Variants in GTF3C1 observed in about 807,000 individuals in gnomAD.
The protein encoded by GTF3C1 is general transcription factor 3C polypeptide 1.
A neutral mutation model predicts 226.7 loss-of-function variants in GTF3C1; 57 were observed. The observed-to-expected ratio is 0.25, with a 90% confidence interval of 0.20 to 0.31. The LOEUF (loss-of-function observed/expected upper bound fraction) is 0.31. GTF3C1 is among the 10% of genes least tolerant of loss of function. GTF3C1 has a pLI of 1.00. For missense variants in GTF3C1, 2,217 were observed against 2,776.1 expected, an observed-to-expected ratio of 0.80 and a Z score of 4.53; for synonymous variants, 1,090 against 1,084.8, an observed-to-expected ratio of 1.00 and a Z score of -0.09.
At chr16:27,497,457 T>C (rs541026544) in intron 14 of GTF3C1, among the ~76,000 whole-genome samples, 180 bp downstream of exon 14, 55 of 152,296 alleles carry the variant, frequency 3.6e-4, no homozygotes, top group Non-Finnish European at 7.4e-4. Context: ...TTTTTGCAGA[T>C]AGACAAACAG....
intron 9 of GTF3C1, 147 bp from the exon 10 acceptor site, chr16:27,506,263 C>G: frequency 8.3e-6 from 5 of 599,964 alleles, no homozygotes; most frequent in Non-Finnish European, 1.5e-5. Flanking sequence ...GCAGCTTGGG[C>G]CCCTCCTTCT....
intron 12 of GTF3C1, among the ~76,000 whole-genome samples, chr16:27,499,004 G>A (rs2088364243): frequency 6.6e-6 from 1 of 152,170 alleles, no homozygotes; most frequent in Non-Finnish European, 1.5e-5. Flanking sequence ...ACACAGAGCT[G>A]TCTCCCTGCA....
At chr16:27,508,895 G>A (rs1197477844) in intron 7 of GTF3C1, among the ~76,000 whole-genome samples, 7 of 152,052 alleles carry the variant, frequency 4.6e-5, no homozygotes. Flanking sequence ...CTATCTCATG[G>A]CCCCACGTTA....
rs114908376 is a variant in GTF3C1 at position 27,532,387 on chromosome 16, A to G, written c.849+904T>C. Among the ~76,000 whole-genome samples the G allele has an allele frequency of 7.0e-3, 1,066 of 152,322 alleles. 17 individuals are homozygous for G. Among genetic ancestry groups the G allele is most frequent in the African/African-American group, 0.024 (1,012 of 41,570 alleles). ...CAGACAGAAGACCACTCATTAGGGG[A>G]CTAACTACTAGTCACCAAAGAGCTT... On this transcript the variant is annotated intron_variant, in intron 5 of 36. Coordinates refer to ENST00000356183, the MANE Select transcript of GTF3C1 (RefSeq NM_001520.4).
chr16:27,482,492 C>G, intron 26 of GTF3C1: 1 of 456,126 alleles, frequency 2.2e-6, no homozygotes, highest in Non-Finnish European at 4.4e-6. Flanking sequence ...CCATGTACTT[C>G]TCTGTCTGTC....
chr16:27,489,883 G>T, intron 19 of GTF3C1, 140 bp from the exon 20 acceptor site: 1 of 727,924 alleles, frequency 1.4e-6, no homozygotes, highest in Non-Finnish European at 2.3e-6. Flanking sequence ...GTCTGAGATT[G>T]GTAAGACCTC....
intron 28 of GTF3C1, among the ~76,000 whole-genome samples, chr16:27,478,171 AAAAGAAAAAAAAAAGG>A (rs752783619): frequency 6.7e-4 from 102 of 152,136 alleles, no homozygotes; most frequent in Non-Finnish European, 1.0e-3. Context: ...ACTCCATCTC[AAAAGAAAAAAAAAAGG>A]AAAGAAAAAA....
At chr16:27,467,857 T>C (rs2087807479) in intron 32 of GTF3C1, among the ~76,000 whole-genome samples, 1 of 151,662 alleles carries the variant, frequency 6.6e-6, no homozygotes, top group Admixed American at 6.6e-5. Flanking sequence ...GCGACAAGAG[T>C]GAAACTCTGT....
chr16:27,463,106 C>A lies in GTF3C1; in HGVS notation c.5924+435G>T. ...AGCACACACACTCATGGGAGGCGCC[C>A]CCACCAGAGGGGCTTCTGCGGCCCC... On this transcript the variant is annotated intron_variant, in intron 35 of 36. Transcript: ENST00000356183. This position sits in a 1 kb window ranked among gnomAD's most constrained non-coding sequence, Gnocchi z 4.9. The A allele has an allele frequency of 5.1e-6, 1 of 197,208 alleles. No individual in the cohort carries two copies. Among genetic ancestry groups the A allele is most frequent in the Non-Finnish European group, 1.0e-5 (1 of 98,168 alleles). 12.2% of individuals were successfully genotyped at this position (197,208 alleles called of 1,614,324 possible). A position where few individuals can be genotyped will look rare whatever the true frequency, so the allele number is the denominator to read the frequency against.
rs900687955 is a variant in GTF3C1, at chr16:27,469,779, C to A, written c.4815-229G>T. Among the ~76,000 whole-genome samples, 1 of 152,164 alleles carries A rather than the reference C, an allele frequency of 6.6e-6. No individual in the cohort carries two copies. The highest frequency in any genetic ancestry group is 2.4e-5 in the African/African-American group (1 of 41,422). On this transcript the variant is annotated intron_variant, in intron 31 of 36. Transcript: ENST00000356183. This position sits in a 1 kb window ranked among gnomAD's most constrained non-coding sequence, Gnocchi z 4.5. Reference sequence around the variant, plus strand: ...TCACATAGCTGTATCTCTGTGGGGACTGTTCCTTTTGCCCGTCTCTCAGCC... The same window carrying A: ...TCACATAGCTGTATCTCTGTGGGGAATGTTCCTTTTGCCCGTCTCTCAGCC...
At chr16:27,545,588 G>T (rs2089151114) in intron 1 of GTF3C1, 65 bp from the exon 2 acceptor site, 1 of 942,860 alleles carries the variant, frequency 1.1e-6, no homozygotes. Flanking sequence ...GCTTGGCTGT[G>T]TTCTTTTGAC....
In GTF3C1 at chr16:27,471,948, A is replaced by T; in HGVS notation, c.4354-28T>A. On this transcript the variant is annotated intron_variant, in intron 29 of 36. Transcript: ENST00000356183. The surrounding 1 kb of genome is among the most constrained non-coding windows in gnomAD (Gnocchi z 5.0). ...GCAACACAGGGCGGCGAGGGTGAGTAGGGTTCTCCAGCCGGCCACGGAGAG... is the reference window on the plus strand; with the variant it reads ...GCAACACAGGGCGGCGAGGGTGAGTTGGGTTCTCCAGCCGGCCACGGAGAG... The T allele has an allele frequency of 6.2e-7, 1 of 1,608,376 alleles. No individual in the cohort carries two copies. The highest frequency in any genetic ancestry group is 8.5e-7 in the Non-Finnish European group (1 of 1,175,210).
At chr16:27,524,241 T>C (rs1048059758) in intron 6 of GTF3C1, among the ~76,000 whole-genome samples, 2 of 152,232 alleles carry the variant, frequency 1.3e-5, no homozygotes, top group African/African-American at 4.8e-5. Flanking sequence ...AGGAATAAAG[T>C]TCAATGTTTC....
intron 29 of GTF3C1, among the ~76,000 whole-genome samples, chr16:27,474,709 C>T (rs540164423): frequency 6.6e-6 from 1 of 152,236 alleles, no homozygotes; most frequent in African/African-American, 2.4e-5. Flanking sequence ...TCAGACAGGG[C>T]TTTGCTTTCA....
intron 3 of GTF3C1, 112 bp from the exon 4 acceptor site, chr16:27,538,039 T>C (rs2089026584): frequency 7.4e-7 from 1 of 1,359,122 alleles, no homozygotes; most frequent in Non-Finnish European, 1.0e-6. Context: ...CCAGCCAACC[T>C]AAGAAAACAG....
chr16:27,514,747 A>G (rs946442209), intron 6 of GTF3C1, among the ~76,000 whole-genome samples: 1 of 152,226 alleles, frequency 6.6e-6, no homozygotes, highest in African/African-American at 2.4e-5. Flanking sequence ...TGAGAACACT[A>G]AGGAGCCAAG....
intron 12 of GTF3C1, 122 bp downstream of exon 12, chr16:27,501,069 T>G: frequency 1.3e-6 from 1 of 787,182 alleles, no homozygotes; most frequent in East Asian, 2.5e-5. Flanking sequence ...GGAGGCATAA[T>G]GGGAAATTCC....
chr16:27,501,392 A>G lies in GTF3C1; in HGVS notation c.1908-48T>C, dbSNP rs768444414. 3.8e-6 allele frequency: 6 copies of G among 1,572,552 alleles called. No individual in the cohort carries two copies. The Admixed American group carries it at 8.4e-5, about 22-fold the overall frequency. ...ATAACACTCCCAATCTCAACATGGA[A>G]GGCCTTCCTCAACCCAGGCAACACA... is the stretch of plus-strand genomic sequence containing the variant. On this transcript the variant is annotated intron_variant, in intron 11 of 36. Coordinates refer to ENST00000356183, the MANE Select transcript of GTF3C1 (RefSeq NM_001520.4).
At chr16:27,549,455 T>C (rs555796637) in intron 1 of GTF3C1, among the ~76,000 whole-genome samples, 136 of 152,144 alleles carry the variant, frequency 8.9e-4, no homozygotes, top group African/African-American at 3.1e-3. Flanking sequence ...GGGACATCAC[T>C]AGATTCTCCC....
Sources: gnomAD v4.1 joint callset for allele counts (sites outside exome capture counted in the v4.1 genomes callset) on GRCh38, gnomAD v4.1.1 for gene constraint, Gnocchi (gnomAD v3.1) non-coding constraint, MANE v1.5 for transcripts, NCBI Gene and HGNC (gene_info 2026-07-23, HGNC 2026-07-21) for gene names.